The following KCNAB1 variants were observed in gnomAD, a reference collection of about 807,000 sequenced individuals.
KCNAB1 encodes the protein potassium voltage-gated channel subfamily A regulatory beta subunit 1.
In KCNAB1, 35 loss-of-function variants were observed where a neutral mutation model predicts 64.6. That is an observed-to-expected ratio of 0.54 (90% CI 0.41 to 0.72). KCNAB1 has a LOEUF of 0.72. KCNAB1 is among the 30% of genes least tolerant of loss of function. The probability of loss-of-function intolerance (pLI) is 0.00; values close to 1 mark genes in which losing one functional copy is unlikely to be tolerated. For missense variants in KCNAB1, 401 were observed against 512.9 expected (o/e 0.78, Z 2.11); for synonymous variants, 177 against 183.8 (o/e 0.96, Z 0.30).
rs146522727 is a variant in KCNAB1, at chr3:156,222,222, G to T, written c.275+101336G>T. On this transcript the variant is annotated intron_variant, in intron 1 of 13. Transcript: ENST00000490337. ...GGACTCACGTAAACTTAAGGTAAAG[G>T]GGGGCGGGAAGAAGATATTCCCTGC... is the stretch of plus-strand genomic sequence containing the variant. Among the ~76,000 whole-genome samples the T allele has an allele frequency of 5.1e-3, 774 of 152,268 alleles. 6 individuals carry two copies. Among genetic ancestry groups the T allele is most frequent in the African/African-American group, 0.017 (712 of 41,544 alleles).
At chr3:156,498,152 C>T (rs939138542) in intron 8 of KCNAB1, among the ~76,000 whole-genome samples, 3 of 152,156 alleles carry the variant, frequency 2.0e-5, no homozygotes, top group Admixed American at 6.5e-5. Flanking sequence ...TTCATGGTGA[C>T]AGTGCCCCCA....
At chr3:156,166,122 A>T (rs1382033995) in intron 1 of KCNAB1, among the ~76,000 whole-genome samples, 2 of 152,214 alleles carry the variant, frequency 1.3e-5, no homozygotes, top group Non-Finnish European at 2.9e-5. Context: ...TACTTAAGGG[A>T]AAGTAATATG....
At chr3:156,127,760 A>G (rs1199013794) in intron 1 of KCNAB1, among the ~76,000 whole-genome samples, 1 of 152,214 alleles carries the variant, frequency 6.6e-6, no homozygotes, top group Non-Finnish European at 1.5e-5. Context: ...GGACGGGCAC[A>G]TCCACTCCAT....
At chr3:156,491,394 T>A (rs982613079) in intron 8 of KCNAB1, among the ~76,000 whole-genome samples, 1 of 152,048 alleles carries the variant, frequency 6.6e-6, no homozygotes, top group African/African-American at 2.4e-5. Context: ...TGGAAAACTG[T>A]ACTGAGAGAT....
chr3:156,531,327 C>A, intron 12 of KCNAB1, 82 bp from the exon 13 acceptor site: 1 of 1,071,456 alleles, frequency 9.3e-7, no homozygotes. Flanking sequence ...TTGGCTGCAA[C>A]AAACAGCTGT....
intron 1 of KCNAB1, among the ~76,000 whole-genome samples, chr3:156,260,667 T>A (rs1718377756): frequency 6.6e-6 from 1 of 152,226 alleles, no homozygotes; most frequent in South Asian, 2.1e-4. Flanking sequence ...CATTTGCCAT[T>A]TGATGGACTT....
At chr3:156,405,628 T>G (rs1714198929) in intron 1 of KCNAB1, among the ~76,000 whole-genome samples, 1 of 152,250 alleles carries the variant, frequency 6.6e-6, no homozygotes, top group African/African-American at 2.4e-5. Flanking sequence ...AGTGACTATT[T>G]TTAGGCTTTT....
At chr3:156,294,890 C>T (rs882089) in intron 1 of KCNAB1, among the ~76,000 whole-genome samples, 53,414 of 152,032 alleles carry the variant, frequency 0.35, 12,217 homozygotes, top group African/African-American at 0.66. Flanking sequence ...AACTCAAAAA[C>T]TGTCAAACAG....
At chr3:156,242,482 C>T (rs1225532936) in intron 1 of KCNAB1, among the ~76,000 whole-genome samples, 1 of 152,096 alleles carries the variant, frequency 6.6e-6, no homozygotes, top group Admixed American at 6.5e-5. Context: ...GAACTTTCTG[C>T]CCTGCTTCTC....
At chr3:156,410,202 C>A (rs1013600695) in intron 1 of KCNAB1, among the ~76,000 whole-genome samples, 19 of 152,182 alleles carry the variant, frequency 1.2e-4, no homozygotes, top group African/African-American at 4.1e-4. Flanking sequence ...TTCCTTACTG[C>A]ATTTTTTATT....
intron 1 of KCNAB1, among the ~76,000 whole-genome samples, chr3:156,201,862 G>C (rs1714353589): frequency 6.6e-6 from 1 of 152,190 alleles, no homozygotes; most frequent in African/African-American, 2.4e-5. Context: ...GGGCTGCTTT[G>C]CTGGAGCATT....
chr3:156,422,288 C>T (rs1715515861), intron 2 of KCNAB1, among the ~76,000 whole-genome samples: 2 of 152,212 alleles, frequency 1.3e-5, no homozygotes, highest in Non-Finnish European at 2.9e-5. Flanking sequence ...CTTGAGGCCT[C>T]CAGACATCCC....
intron 1 of KCNAB1, among the ~76,000 whole-genome samples, chr3:156,275,959 G>GT (rs886191119): frequency 2.7e-4 from 40 of 147,702 alleles, no homozygotes; most frequent in Middle Eastern, 3.5e-3. Flanking sequence ...AGAATGGTGA[G>GT]TTTTTTTTTT....
intron 1 of KCNAB1, among the ~76,000 whole-genome samples, chr3:156,264,282 C>T (rs1469369501): frequency 6.6e-6 from 1 of 151,554 alleles, no homozygotes; most frequent in East Asian, 1.9e-4. Context: ...TTATATTTTT[C>T]GTTGAATCTA....
chr3:156,422,368 A>C (rs1715520569), intron 2 of KCNAB1, among the ~76,000 whole-genome samples: 1 of 152,216 alleles, frequency 6.6e-6, no homozygotes, highest in African/African-American at 2.4e-5. Context: ...CTGTGACCTA[A>C]GTCTAGACCA....
At chr3:156,274,508 C>CT (rs66880579) in intron 1 of KCNAB1, among the ~76,000 whole-genome samples, 16,058 of 150,036 alleles carry the variant, frequency 0.11, 1,039 homozygotes, top group Non-Finnish European at 0.15. Context: ...AAGGTAAGAA[C>CT]TTTTTTTTTT....
intron 1 of KCNAB1, among the ~76,000 whole-genome samples, chr3:156,204,329 G>A (rs1037730764): frequency 6.6e-6 from 1 of 152,144 alleles, no homozygotes; most frequent in Admixed American, 6.5e-5. Context: ...ACTTGTAGAG[G>A]TTTGGCTCAG....
chr3:156,357,159 G>GCGCGCACACACACACACACACACA (rs545909634), intron 1 of KCNAB1, among the ~76,000 whole-genome samples: 1 of 147,314 alleles, frequency 6.8e-6, no homozygotes, highest in African/African-American at 2.5e-5. Flanking sequence ...ACATGTGCGC[G>GCGCGCACACACACACACACACACA]CACACACACA....
intron 1 of KCNAB1, among the ~76,000 whole-genome samples, chr3:156,138,660 GAGGA>G (rs1419519324): frequency 6.6e-6 from 1 of 152,190 alleles, no homozygotes; most frequent in Non-Finnish European, 1.5e-5. Flanking sequence ...AGTAACAAAG[GAGGA>G]AGGATCATCA....
Sources: allele counts gnomAD v4.1 joint callset (sites outside exome capture counted in the v4.1 genomes callset), GRCh38; gene constraint gnomAD v4.1.1; transcripts MANE v1.5; gene names NCBI Gene and HGNC (gene_info 2026-07-23, HGNC 2026-07-21).